HCN4: variants seen among roughly 807,000 people sequenced by gnomAD.
The protein encoded by HCN4 is hyperpolarization activated cyclic nucleotide gated potassium channel 4, also known as potassium/sodium hyperpolarization-activated cyclic nucleotide-gated channel 4.
Under a neutral mutation model 76.9 loss-of-function variants are expected in HCN4, and 29 were observed. The observed-to-expected ratio is 0.38, with a 90% CI of 0.28 to 0.51. The LOEUF (loss-of-function observed/expected upper bound fraction) is 0.51. Ranked by LOEUF, HCN4 falls within the 20% of genes least tolerant of loss-of-function variation. HCN4 has a pLI of 0.90. For missense variants in HCN4, 1,416 were observed against 1,715.2 expected (o/e 0.83, Z 3.08); for synonymous variants, 772 against 762.5 (o/e 1.01, Z -0.21).
intron 2 of HCN4, among the ~76,000 whole-genome samples, chr15:73,338,620 T>C (rs2042980303): frequency 6.6e-6 from 1 of 152,090 alleles, no homozygotes; most frequent in Admixed American, 6.5e-5. Context: ...CAACAAAGAG[T>C]TGATTTCTCA....
chr15:73,357,085 G>T (rs1383264971), intron 1 of HCN4, among the ~76,000 whole-genome samples: 5 of 152,168 alleles, frequency 3.3e-5, no homozygotes, highest in Non-Finnish European at 7.4e-5. Flanking sequence ...CACCCAGGGA[G>T]CCCAAACATC....
rs2042867381 is a variant in HCN4, at chr15:73,322,630, T to C, written c.3463A>G (p.Lys1155Glu). Reference sequence around the variant, plus strand: ...GGTGGCAAAGAACCTGAGGATGTCTTCCGAGGCAGAGTGACGTGCTGGCCG... The same window carrying C: ...GGTGGCAAAGAACCTGAGGATGTCTCCCGAGGCAGAGTGACGTGCTGGCCG... ...IPGQHVTLPRKTSSGSLPPPL... is the reference protein window; with the variant it reads ...IPGQHVTLPRETSSGSLPPPL... The change falls in exon 8 of 8, where the codon AAG (lysine) becomes GAG (glutamate). Residue 1155 changes from lysine (K) to glutamate (E), a missense_variant. Physicochemically the swap from Lys to Glu is moderately conservative, Grantham distance 56. This residue lies in a region of HCN4 where 633 missense variants were observed against 579.8 expected (regional missense o/e 1.09). Transcript: ENST00000261917. The C allele has an allele frequency of 6.2e-7, 1 of 1,611,410 alleles. No individual in the cohort carries two copies. The highest frequency in any genetic ancestry group is 8.5e-7 in the Non-Finnish European group (1 of 1,179,336).
At position 73,322,891 on chromosome 15, in the gene HCN4, G is replaced by T; in HGVS notation, c.3202C>A (p.Arg1068Ser). 2.1e-6 allele frequency: 3 copies of T among 1,446,498 alleles called. No individual in the cohort carries two copies. The highest frequency in any genetic ancestry group is 1.8e-6 in the Non-Finnish European group (2 of 1,096,826). 89.6% of individuals were successfully genotyped at this position (1,446,498 alleles called of 1,614,324 possible). Reference sequence around the variant, plus strand: ...GGGGTGAGCGGGGGTGTGCCCCGGCGCTGGGGGACCTGGGGTGGTGGGGGG... The same window carrying T: ...GGGGTGAGCGGGGGTGTGCCCCGGCTCTGGGGGACCTGGGGTGGTGGGGGG... ...SSPPPPQVPQRRGTPPLTPGR... is the reference protein window; with the variant it reads ...SSPPPPQVPQSRGTPPLTPGR... Residue 1068 changes from arginine (R) to serine (S), a missense_variant, in exon 8 of 8, where the codon CGC becomes AGC. Transcript: ENST00000261917.
At chr15:73,359,225 G>A (rs2043094406) in intron 1 of HCN4, among the ~76,000 whole-genome samples, 1 of 152,174 alleles carries the variant, frequency 6.6e-6, no homozygotes, top group Non-Finnish European at 1.5e-5. Context: ...AGCAGTGGGT[G>A]GAGGGAGTCC....
intron 1 of HCN4, among the ~76,000 whole-genome samples, chr15:73,354,871 A>C: frequency 6.6e-6 from 1 of 152,064 alleles, no homozygotes; most frequent in Non-Finnish European, 1.5e-5. Flanking sequence ...AAATGGTCCC[A>C]CCTCAAGAAG....
chr15:73,345,888 G>A (rs1567788476), intron 1 of HCN4, among the ~76,000 whole-genome samples: 1 of 152,164 alleles, frequency 6.6e-6, no homozygotes, highest in Non-Finnish European at 1.5e-5. Flanking sequence ...AGGCGGCTGG[G>A]AATGCTGACT....
chr15:73,323,456 G>C lies in HCN4; in HGVS notation c.2637C>G (p.Ser879Arg), dbSNP rs769042435. 1 of 1,608,642 alleles carries C rather than the reference G, an allele frequency of 6.2e-7. No homozygotes were observed. The highest frequency in any genetic ancestry group is 1.1e-5 in the South Asian group (1 of 91,064). ...CACAGGCCCCGGGGGGTGGGGAGGA[G>C]CTGGATGAGGGCAGGAGTGGGCTCA... ...AGLSPLLPSS[S>R]SSPPPGACGS... The change falls in exon 8 of 8, where the codon AGC becomes AGG. Residue 879 changes from serine (S) to arginine (R), a missense_variant. Ser to Arg is a moderately radical substitution (Grantham distance 110, BLOSUM62 -1). Coordinates refer to ENST00000261917, the MANE Select transcript of HCN4 (RefSeq NM_005477.3).
intron 1 of HCN4, among the ~76,000 whole-genome samples, chr15:73,345,419 C>T (rs1327803095): frequency 3.3e-5 from 5 of 152,166 alleles, no homozygotes; most frequent in African/African-American, 1.2e-4. Context: ...CTCCTCTCTA[C>T]CCCATGACCC....
intron 1 of HCN4, among the ~76,000 whole-genome samples, chr15:73,355,789 T>G (rs1315709528): frequency 6.6e-6 from 1 of 151,984 alleles, no homozygotes; most frequent in Non-Finnish European, 1.5e-5. Context: ...ACCGCCAAAC[T>G]GCACAGCAGG....
At position 73,365,809 on chromosome 15, in the gene HCN4, G is replaced by A. The variant is rs80237870; in HGVS notation, c.785+1677C>T. On this transcript the variant is annotated intron_variant, in intron 1 of 7. Transcript: ENST00000261917. Reference sequence around the variant, plus strand: ...TGACAACAAAAACAGCAGGGACCTGGGCAAGGGAGGGGAGGGCCCTTCAGC... The same window carrying A: ...TGACAACAAAAACAGCAGGGACCTGAGCAAGGGAGGGGAGGGCCCTTCAGC... Among the ~76,000 whole-genome samples, 418 of 152,318 alleles carry A rather than the reference G, an allele frequency of 2.7e-3. 2 individuals are homozygous for A. The highest frequency in any genetic ancestry group is 9.3e-3 in the African/African-American group (388 of 41,562).
rs748390169 is a variant in HCN4 at position 73,323,540 on chromosome 15, T to C, written c.2553A>G (p.Thr851=). 1 of 1,600,848 alleles carries C rather than the reference T, an allele frequency of 6.2e-7. No individual in the cohort carries two copies. The highest frequency in any genetic ancestry group is 8.5e-7 in the Non-Finnish European group (1 of 1,179,814). The change falls in exon 8 of 8, where the codon ACA becomes ACG. Residue 851 remains threonine, a synonymous_variant. Coordinates refer to ENST00000261917, the MANE Select transcript of HCN4 (RefSeq NM_005477.3). ...SPASSPSQVD[T]PSSSSFHIQQ... is the part of the protein sequence containing the mutation. ...GGATGTGGAAGGAGGATGAAGACGG[T>C]GTGTCCACCTGGGACGGGCTGCTGG...
At chr15:73,326,952 A>G (rs1052851066) in intron 4 of HCN4, among the ~76,000 whole-genome samples, 1 of 151,410 alleles carries the variant, frequency 6.6e-6, no homozygotes, top group Non-Finnish European at 1.5e-5. Context: ...ACGCCTGGCT[A>G]ATTTTTGTAT....
intron 1 of HCN4, among the ~76,000 whole-genome samples, chr15:73,361,864 C>T (rs1376631007): frequency 6.6e-6 from 1 of 152,248 alleles, no homozygotes; most frequent in Non-Finnish European, 1.5e-5. Context: ...GTCCTCCTCT[C>T]AGCTGGCCCC....
chr15:73,368,316 C>T lies in HCN4; in HGVS notation c.-46G>A, dbSNP rs1186443318. 3 of 1,369,608 alleles carry T rather than the reference C, an allele frequency of 2.2e-6. No homozygotes were observed. The highest frequency in any genetic ancestry group is 2.9e-6 in the Non-Finnish European group (3 of 1,051,064). The allele number at this position is 1,369,608 out of a possible 1,614,324, so 84.8% of individuals were successfully genotyped here. ...GACCGGGCCGGGGGCAGGAGCGCGG[C>T]GCCGCGGACGGGCTCCAGGTCCGCC... On this transcript the variant is annotated 5_prime_UTR_variant, in exon 1 of 8. Transcript: ENST00000261917. The surrounding 1 kb of genome is among the most constrained non-coding windows in gnomAD (Gnocchi z 6.9).
rs181506350 is a variant in HCN4 at position 73,345,881 on chromosome 15, C to T, written c.786-2073G>A. On this transcript the variant is annotated intron_variant, in intron 1 of 7. Transcript: ENST00000261917. ...TAAAATTAACAGAGCGGGTGCAAGG[C>T]GGCTGGGAATGCTGACTCGGGCGGG... Among the ~76,000 whole-genome samples the T allele has an allele frequency of 5.9e-5, 9 of 152,262 alleles. No individual in the cohort carries two copies. In the East Asian group the frequency reaches 1.5e-3, roughly 26 times the overall value.
chr15:73,333,023 ATAAT>A (rs746240487), intron 2 of HCN4, among the ~76,000 whole-genome samples: 3 of 152,234 alleles, frequency 2.0e-5, no homozygotes, highest in Non-Finnish European at 2.9e-5. Flanking sequence ...GCTGTTATTA[ATAAT>A]TAATCTTCCT....
intron 1 of HCN4, among the ~76,000 whole-genome samples, chr15:73,347,135 T>C (rs1439028013): frequency 6.6e-6 from 1 of 152,226 alleles, no homozygotes; most frequent in Non-Finnish European, 1.5e-5. Flanking sequence ...ACACTTCACA[T>C]GTATAGAGAA....
chr15:73,367,925 C>G lies in HCN4; in HGVS notation c.346G>C (p.Gly116Arg). 7.3e-7 allele frequency: 1 copy of G among 1,374,270 alleles called. No individual in the cohort carries two copies. Among genetic ancestry groups the G allele is most frequent in the Non-Finnish European group, 9.4e-7 (1 of 1,067,244 alleles). The allele number at this position is 1,374,270 out of a possible 1,614,324, so 85.1% of individuals were successfully genotyped here. A position where few individuals can be genotyped will look rare whatever the true frequency, so the allele number is the denominator to read the frequency against. ...TCATGCAGGTGTCCGTGACTGCTGC[C>G]GCTCCCCGTGCCGCCGCTGCCGCCG... is the stretch of plus-strand genomic sequence containing the variant. ...RGGGSGGTGS[G>R]SSHGHLHDSA... Residue 116 changes from glycine to arginine, a missense_variant, in exon 1 of 8, where the codon GGC becomes CGC. By Grantham distance (125) the Gly-to-Arg change is moderately radical (BLOSUM62 -2). Around this residue, in one of 6 missense-constraint regions of HCN4, gnomAD observed 355 missense variants for 347.8 expected, o/e 1.02. Transcript: ENST00000261917. The surrounding 1 kb of genome is among the most constrained non-coding windows in gnomAD (Gnocchi z 7.5).
At position 73,323,668 on chromosome 15, in the gene HCN4, G is replaced by T; in HGVS notation, c.2425C>A (p.Pro809Thr). ...PRLPAAIFRP[P>T]PGSGLGNLGA... Reference sequence around the variant, plus strand: ...AGGTTGCCCAGCCCAGATCCTGGGGGAGGGCGGAAGATGGCAGCAGGCAGG... The same window carrying T: ...AGGTTGCCCAGCCCAGATCCTGGGGTAGGGCGGAAGATGGCAGCAGGCAGG... The change falls in exon 8 of 8, where the codon CCC (proline) becomes ACC (threonine). Residue 809 changes from proline (P) to threonine (T), a missense_variant. This residue lies in a region of HCN4 where 633 missense variants were observed against 579.8 expected (regional missense o/e 1.09). Coordinates refer to ENST00000261917, the MANE Select transcript of HCN4 (RefSeq NM_005477.3). 6.3e-7 allele frequency: 1 copy of T among 1,593,554 alleles called. No individual in the cohort carries two copies. Among genetic ancestry groups the T allele is most frequent in the Admixed American group, 1.7e-5 (1 of 59,422 alleles).
Sources: allele counts gnomAD v4.1 joint callset (sites outside exome capture counted in the v4.1 genomes callset), GRCh38; gene constraint gnomAD v4.1.1; regional missense constraint gnomAD v4.1.1; non-coding constraint Gnocchi (gnomAD v3.1); transcripts MANE v1.5; gene names NCBI Gene and HGNC (gene_info 2026-07-23, HGNC 2026-07-21).